The following ASAP2 variants were observed in gnomAD, a reference collection of about 807,000 sequenced individuals.
ASAP2 encodes ArfGAP with SH3 domain, ankyrin repeat and PH domain 2.
In ASAP2, 45 loss-of-function variants were observed where a neutral mutation model predicts 131.4. The ratio of observed to expected loss-of-function variants is 0.34; its 90% CI spans 0.27 to 0.44. The LOEUF is 0.44. Ranked by LOEUF, ASAP2 falls within the 20% of genes least tolerant of loss-of-function variation. The pLI is 1.00. For synonymous variants in ASAP2, 510 were observed against 503.0 expected (o/e 1.01, Z -0.19); for missense variants, 1,011 against 1,297.0 (o/e 0.78, Z 3.39).
Position 9,207,774 on chromosome 2 carries a change from G to T in ASAP2, c.126+544G>T, listed in dbSNP as rs1661232127. The stretch of plus-strand genomic sequence containing the variant: ...GGCGGCCTGGCTGCGCTCCACCCGT[G>T]CCCGGAGAAGGAACTGCGGGCAAGG... On this transcript the variant is annotated intron_variant, in intron 1 of 27. Transcript: ENST00000281419. The surrounding 1 kb of genome is among the most constrained non-coding windows in gnomAD (Gnocchi z 4.1). 6.6e-6 allele frequency among the ~76,000 whole-genome samples: 1 copy of T among 152,150 alleles called. No individual in the cohort carries two copies. The highest frequency in any genetic ancestry group is 1.5e-5 in the Non-Finnish European group (1 of 68,006).
chr2:9,271,101 AT>A (rs149039710), intron 1 of ASAP2, among the ~76,000 whole-genome samples: 11 of 150,836 alleles, frequency 7.3e-5, no homozygotes, highest in South Asian at 4.2e-4. Flanking sequence ...CCCTGTTTTC[AT>A]TTTTTTTTAT....
rs750545699 is a variant in ASAP2, at chr2:9,403,278, G to C, written c.2972G>C (p.Gly991Ala). ...WWIGHIDGDP[G>A]RKGAFPVSFV... ...ATTGGCCACATTGATGGAGATCCTG[G>C]TCGCAAAGGCGCATTCCCGGTGTCA... The change falls in exon 28 of 28, where the codon GGT (glycine) becomes GCT (alanine). Residue 991 changes from glycine to alanine, a missense_variant. Around this residue, in one of 2 missense-constraint regions of ASAP2, gnomAD observed 652 missense variants for 698.9 expected, o/e 0.93. Coordinates refer to ENST00000281419, the MANE Select transcript of ASAP2 (RefSeq NM_003887.3). 6 of 1,614,124 alleles carry C rather than the reference G, an allele frequency of 3.7e-6. No individual in the cohort carries two copies. The highest frequency in any genetic ancestry group is 8.5e-7 in the Non-Finnish European group (1 of 1,180,010).
intron 1 of ASAP2, among the ~76,000 whole-genome samples, chr2:9,212,671 C>T (rs1053565658): frequency 6.6e-6 from 1 of 152,144 alleles, no homozygotes; most frequent in Non-Finnish European, 1.5e-5. Flanking sequence ...CATTCCAGGC[C>T]CGCACTGTCT....
chr2:9,372,649 T>C (rs561391915), intron 16 of ASAP2, among the ~76,000 whole-genome samples: 2 of 152,236 alleles, frequency 1.3e-5, no homozygotes, highest in East Asian at 1.9e-4. Flanking sequence ...GGCTACTAAG[T>C]GGGATAAAGA....
intron 2 of ASAP2, among the ~76,000 whole-genome samples, chr2:9,287,836 C>T (rs1043287632): frequency 3.3e-5 from 5 of 152,154 alleles, no homozygotes; most frequent in South Asian, 2.1e-4. Flanking sequence ...GAATCCTGTC[C>T]GCAGTGACCA....
At chr2:9,371,883 G>A (rs73150911) in intron 16 of ASAP2, among the ~76,000 whole-genome samples, 1,907 of 152,216 alleles carry the variant, frequency 0.013, 31 homozygotes, top group African/African-American at 0.036. Context: ...TTGGGAGGCC[G>A]AGGTGGGCGG....
chr2:9,284,652 G>A (rs556569707), intron 2 of ASAP2, among the ~76,000 whole-genome samples: 37 of 152,330 alleles, frequency 2.4e-4, no homozygotes, highest in South Asian at 1.4e-3. Flanking sequence ...GGACATACAC[G>A]TGGTAAGTGT....
At chr2:9,337,200 T>G (rs1023019703) in intron 9 of ASAP2, among the ~76,000 whole-genome samples, 1 of 152,244 alleles carries the variant, frequency 6.6e-6, no homozygotes, top group Admixed American at 6.5e-5. Context: ...CCCAGTTGGC[T>G]CCTTGTCAAG....
chr2:9,221,920 A>C (rs191231925), intron 1 of ASAP2, among the ~76,000 whole-genome samples: 21,511 of 151,318 alleles, frequency 0.14, 1,849 homozygotes, highest in Non-Finnish European at 0.2. Flanking sequence ...CAGCCTCCCG[A>C]GTAGCTGGGA....
At chr2:9,326,637 G>T (rs1468357934) in intron 6 of ASAP2, among the ~76,000 whole-genome samples, 1 of 152,098 alleles carries the variant, frequency 6.6e-6, no homozygotes, top group Non-Finnish European at 1.5e-5. Flanking sequence ...ATGTCCCTAT[G>T]TATACATTCA....
At chr2:9,350,640 C>A (rs760475522) in intron 11 of ASAP2, 168 bp from the exon 12 acceptor site, 10 of 540,624 alleles carry the variant, frequency 1.8e-5, no homozygotes, top group Non-Finnish European at 2.9e-5. Context: ...AGTTCAAAGG[C>A]CTCTGTAACT....
At chr2:9,293,873 G>T (rs1222335273) in intron 2 of ASAP2, among the ~76,000 whole-genome samples, 1 of 152,136 alleles carries the variant, frequency 6.6e-6, no homozygotes, top group Non-Finnish European at 1.5e-5. Context: ...GATTGCAGTG[G>T]ATGAAAGCAC....
chr2:9,403,392 C>A lies in ASAP2; in HGVS notation c.*65C>A. The stretch of plus-strand genomic sequence containing the variant: ...TTCGTTATTGGTACCAAAACTCTTG[C>A]CAGATAACCAGTTTCATGAACTGTT... On this transcript the variant is annotated 3_prime_UTR_variant, in exon 28 of 28. Transcript: ENST00000281419. The A allele has an allele frequency of 6.8e-7, 1 of 1,481,338 alleles. No homozygotes were observed. 91.8% of individuals were successfully genotyped at this position (1,481,338 alleles called of 1,614,324 possible).
At chr2:9,332,239 T>G (rs757614930) in intron 7 of ASAP2, among the ~76,000 whole-genome samples, 8 of 151,838 alleles carry the variant, frequency 5.3e-5, no homozygotes, top group Non-Finnish European at 8.8e-5. Context: ...CTTAAGAAAA[T>G]TTTCTGGGGC....
chr2:9,226,058 C>T lies in ASAP2; in HGVS notation c.126+18828C>T, dbSNP rs546605606. On this transcript the variant is annotated intron_variant, in intron 1 of 27. Coordinates refer to ENST00000281419, the MANE Select transcript of ASAP2 (RefSeq NM_003887.3). The stretch of plus-strand genomic sequence containing the variant: ...TGACATTGGATAAGCTCCTTGAAGG[C>T]GGAGGTTGTGTCCTGTGTGCTGCCT... Among the ~76,000 whole-genome samples the T allele has an allele frequency of 2.4e-3, 364 of 152,294 alleles. 1 individual carries two copies. The highest frequency in any genetic ancestry group is 8.6e-3 in the African/African-American group (356 of 41,558).
Position 9,303,386 on chromosome 2 carries a change from G to T in ASAP2, c.345+5941G>T, listed in dbSNP as rs148795500. Among the ~76,000 whole-genome samples, 877 of 152,276 alleles carry T rather than the reference G, an allele frequency of 5.8e-3. 6 individuals are homozygous for T. Among genetic ancestry groups the T allele is most frequent in the African/African-American group, 0.02 (834 of 41,548 alleles). Reference sequence around the variant, plus strand: ...TTTTTCCTGCTGTCAGTGCTTGGGTGCCTCTAAGGTCTCTGTTTCACGATG... The same window carrying T: ...TTTTTCCTGCTGTCAGTGCTTGGGTTCCTCTAAGGTCTCTGTTTCACGATG... On this transcript the variant is annotated intron_variant, in intron 3 of 27. Coordinates refer to ENST00000281419, the MANE Select transcript of ASAP2 (RefSeq NM_003887.3).
chr2:9,278,523 A>G (rs976916251), intron 1 of ASAP2, among the ~76,000 whole-genome samples: 15 of 152,084 alleles, frequency 9.9e-5, no homozygotes, highest in African/African-American at 3.1e-4. Context: ...AAAAAAAAAA[A>G]AAAAAGAAAA....
intron 1 of ASAP2, among the ~76,000 whole-genome samples, chr2:9,210,926 C>T (rs1369836009): frequency 3.3e-5 from 5 of 151,796 alleles, no homozygotes; most frequent in East Asian, 2.0e-4. Flanking sequence ...GAGGCCAAGG[C>T]GGGCAGATCA....
rs1669614702 is a variant in ASAP2, at chr2:9,315,630, C to G, written c.346-2894C>G. 2.0e-5 allele frequency among the ~76,000 whole-genome samples: 3 copies of G among 152,106 alleles called. No homozygotes were observed. In the South Asian group the frequency reaches 6.2e-4, roughly 32 times the overall value. ...GAGGCGGGAACTGTGACGGGAGTTT[C>G]ATTCCTCACTCACCTGTCTGGCTGC... On this transcript the variant is annotated intron_variant, in intron 3 of 27. Transcript: ENST00000281419.
Sources: allele counts gnomAD v4.1 joint callset (sites outside exome capture counted in the v4.1 genomes callset), GRCh38; gene constraint gnomAD v4.1.1; regional missense constraint gnomAD v4.1.1; non-coding constraint Gnocchi (gnomAD v3.1); transcripts MANE v1.5; gene names NCBI Gene and HGNC (gene_info 2026-07-23, HGNC 2026-07-21).